The following DNAJA1 variants were observed in gnomAD, a reference collection of about 807,000 sequenced individuals.
DNAJA1 encodes the protein dnaJ homolog subfamily A member 1.
Under a neutral mutation model 47.6 loss-of-function variants are expected in DNAJA1, and 26 were observed. The ratio of observed to expected loss-of-function variants is 0.55; its 90% CI spans 0.40 to 0.76. The LOEUF (loss-of-function observed/expected upper bound fraction) is 0.76, where lower values mean the gene tolerates loss of function less well. DNAJA1 is among the 30% of genes least tolerant of loss of function. The pLI is 0.00. For synonymous variants in DNAJA1, 165 were observed against 158.4 expected, an observed-to-expected ratio of 1.04 and a Z score of -0.31; for missense variants, 315 against 485.0, an observed-to-expected ratio of 0.65 and a Z score of 3.29.
chr9:33,026,159 A>G (rs1040002944), intron 1 of DNAJA1, among the ~76,000 whole-genome samples: 1 of 152,206 alleles, frequency 6.6e-6, no homozygotes. Flanking sequence ...TTTGGTTACA[A>G]CTGTCACCGC....
At chr9:33,026,042 C>G (rs1393598754) in intron 1 of DNAJA1, among the ~76,000 whole-genome samples, 1 of 152,210 alleles carries the variant, frequency 6.6e-6, no homozygotes, top group East Asian at 1.9e-4. Flanking sequence ...CTCCCCCCCA[C>G]CACTGTGTGC....
intron 1 of DNAJA1, among the ~76,000 whole-genome samples, chr9:33,025,666 C>T (rs1291902378): frequency 1.3e-5 from 2 of 151,338 alleles, no homozygotes; most frequent in Non-Finnish European, 2.9e-5. Flanking sequence ...CGCGCCCCCG[C>T]GGCCCCCCTC....
At chr9:33,037,266 GT>G (rs1454851640) in intron 8 of DNAJA1, 151 bp downstream of exon 8, 11 of 458,124 alleles carry the variant, frequency 2.4e-5, no homozygotes, top group Admixed American at 3.9e-5. Context: ...GAGCCCTGGA[GT>G]TTTGAGAACA....
chr9:33,033,887 G>C (rs1838997964), intron 5 of DNAJA1, among the ~76,000 whole-genome samples: 1 of 152,152 alleles, frequency 6.6e-6, no homozygotes, highest in African/African-American at 2.4e-5. Flanking sequence ...GCATATACCT[G>C]TTGAGTTAAT....
rs528918987 is a variant in DNAJA1 at position 33,029,791 on chromosome 9, T to C, written c.311-94T>C. 29 of 993,658 alleles carry C rather than the reference T, an allele frequency of 2.9e-5. No homozygotes were observed. The African/African-American group carries it at 3.8e-4, about 13-fold the overall frequency. 61.6% of individuals were successfully genotyped at this position (993,658 alleles called of 1,614,324 possible). A position where few individuals can be genotyped will look rare whatever the true frequency, so the allele number is the denominator to read the frequency against. ...CAGATGTACCCTGTGAGGCTCATCT[T>C]TTATTATTCTTTGCCACATTCTTTA... is the stretch of plus-strand genomic sequence containing the variant. On this transcript the variant is annotated intron_variant, in intron 3 of 8. Coordinates refer to ENST00000330899, the MANE Select transcript of DNAJA1 (RefSeq NM_001539.4).
chr9:33,025,780 G>A (rs1233701834), intron 1 of DNAJA1, among the ~76,000 whole-genome samples: 1 of 151,994 alleles, frequency 6.6e-6, no homozygotes, highest in Non-Finnish European at 1.5e-5. Context: ...GCCGGGCGGA[G>A]ACTGCGGCTT....
chr9:33,031,124 C>A (rs763416604), intron 5 of DNAJA1, among the ~76,000 whole-genome samples: 3 of 152,148 alleles, frequency 2.0e-5, no homozygotes, highest in Non-Finnish European at 4.4e-5. Context: ...GACGGAGTTT[C>A]GCTCTTGTTT....
chr9:33,031,509 C>G (rs1439224498), intron 5 of DNAJA1, among the ~76,000 whole-genome samples: 1 of 151,958 alleles, frequency 6.6e-6, no homozygotes, highest in East Asian at 1.9e-4. Flanking sequence ...TTGGCTCACT[C>G]TAACCTCTGC....
rs1399649043 is a variant in DNAJA1 at position 33,039,619 on chromosome 9, A to G, written c.*716A>G. 1.3e-5 allele frequency: 2 copies of G among 149,782 alleles called. No homozygotes were observed. The highest frequency in any genetic ancestry group is 3.9e-4 in the East Asian group (2 of 5,166). The allele number at this position is 149,782 out of a possible 1,614,324, so 9.3% of individuals were successfully genotyped here. Reference sequence around the variant, plus strand: ...CTTGTCTGTGGACCATGATAAGCCCAAGTAGTGACTTCAGAGCTGGGTAAC... The same window carrying G: ...CTTGTCTGTGGACCATGATAAGCCCGAGTAGTGACTTCAGAGCTGGGTAAC... On this transcript the variant is annotated 3_prime_UTR_variant, in exon 9 of 9. Transcript: ENST00000330899.
chr9:33,037,271 G>C (rs1270121825), intron 8 of DNAJA1, 156 bp downstream of exon 8: 4 of 463,702 alleles, frequency 8.6e-6, no homozygotes, highest in Non-Finnish European at 1.5e-5. Flanking sequence ...CTGGAGTTTT[G>C]AGAACAGCCT....
At chr9:33,038,404 G>T (rs973682607) in intron 8 of DNAJA1, among the ~76,000 whole-genome samples, 86 of 152,158 alleles carry the variant, frequency 5.7e-4, no homozygotes, top group African/African-American at 2.1e-3. Context: ...ATGGGTTTTG[G>T]TATTAAAAAG....
At position 33,036,679 on chromosome 9, in the gene DNAJA1, C is replaced by G; in HGVS notation, c.864C>G (p.Thr288=). Reference sequence around the variant, plus strand: ...TTGACAACCGAACCATCGTCATCACCTCTCATCCAGGTATGGGAACTAGGC... The same window carrying G: ...TTGACAACCGAACCATCGTCATCACGTCTCATCCAGGTATGGGAACTAGGC... ...STLDNRTIVI[T]SHPGQIVKHG... is the part of the protein sequence containing the mutation. Residue 288 remains threonine (T), a synonymous_variant, in exon 7 of 9, where the codon ACC becomes ACG. Transcript: ENST00000330899. The G allele has an allele frequency of 1.2e-6, 2 of 1,611,958 alleles. No homozygotes were observed. The highest frequency in any genetic ancestry group is 1.7e-6 in the Non-Finnish European group (2 of 1,178,674).
chr9:33,034,903 T>C (rs919718614), intron 6 of DNAJA1, among the ~76,000 whole-genome samples: 1 of 152,026 alleles, frequency 6.6e-6, no homozygotes, highest in African/African-American at 2.4e-5. Context: ...CTTGGGAGGC[T>C]GAGGTGGGAG....
Position 33,038,330 on chromosome 9 carries a change from A to C in DNAJA1, c.976-355A>C, listed in dbSNP as rs574727139. 1.2e-4 allele frequency among the ~76,000 whole-genome samples: 18 copies of C among 152,306 alleles called. No individual in the cohort carries two copies. In the South Asian group the frequency reaches 3.7e-3, roughly 32 times the overall value. On this transcript the variant is annotated intron_variant, in intron 8 of 8. Transcript: ENST00000330899. ...AAAACATCTTTGGTAAGGAAGAACT[A>C]CCCTTTTGAGAGTAAGAATAGCTTT...
chr9:33,028,860 T>C (rs1397519803), intron 3 of DNAJA1, among the ~76,000 whole-genome samples: 1 of 152,252 alleles, frequency 6.6e-6, no homozygotes, highest in East Asian at 1.9e-4. Flanking sequence ...AAGGACATAA[T>C]TAATGGTATT....
At chr9:33,029,259 C>G (rs907160819) in intron 3 of DNAJA1, among the ~76,000 whole-genome samples, 3 of 152,222 alleles carry the variant, frequency 2.0e-5, no homozygotes, top group African/African-American at 7.2e-5. Context: ...ACATTTATCA[C>G]TGCAGAAAGT....
chr9:33,028,537 G>C (rs1016911281), intron 3 of DNAJA1, among the ~76,000 whole-genome samples: 10 of 152,130 alleles, frequency 6.6e-5, no homozygotes, highest in Non-Finnish European at 1.5e-4. Context: ...TTCAAGGAAA[G>C]GATTATGTTT....
intron 3 of DNAJA1, among the ~76,000 whole-genome samples, chr9:33,028,571 A>T (rs1196645103): frequency 6.6e-6 from 1 of 152,230 alleles, no homozygotes; most frequent in Non-Finnish European, 1.5e-5. Flanking sequence ...TAAACTCCTT[A>T]AAAAGAAAGT....
chr9:33,037,127 T>G lies in DNAJA1; in HGVS notation c.975+12T>G. On this transcript the variant is annotated intron_variant, in intron 8 of 8. Coordinates refer to ENST00000330899, the MANE Select transcript of DNAJA1 (RefSeq NM_001539.4). ...TCATCGAATTTAAGGTAAGCTGTAA[T>G]GTACTTTAAGAATACTTGAGAACAA... 1 of 1,608,466 alleles carries G rather than the reference T, an allele frequency of 6.2e-7. No homozygotes were observed. The highest frequency in any genetic ancestry group is 8.5e-7 in the Non-Finnish European group (1 of 1,176,876).
Sources: gnomAD v4.1 joint callset for allele counts (sites outside exome capture counted in the v4.1 genomes callset) on GRCh38, gnomAD v4.1.1 for gene constraint, MANE v1.5 for transcripts, NCBI Gene and HGNC (gene_info 2026-07-23, HGNC 2026-07-21) for gene names.